Variants in DSCAM observed in about 807,000 individuals in gnomAD.
DSCAM encodes cell adhesion molecule DSCAM.
In DSCAM, 47 loss-of-function variants were observed where a neutral mutation model predicts 217.7. The observed-to-expected ratio is 0.22, with a 90% confidence interval of 0.17 to 0.28. The LOEUF is 0.28. DSCAM is among the 10% of genes least tolerant of loss of function. The pLI is 1.00. For missense variants in DSCAM, 2,080 were observed against 2,618.3 expected (o/e 0.79, Z 4.49); for synonymous variants, 1,056 against 1,015.3 (o/e 1.04, Z -0.76).
chr21:40,629,370 T>C (rs1390295549), intron 3 of DSCAM, among the ~76,000 whole-genome samples: 1 of 152,206 alleles, frequency 6.6e-6, no homozygotes, highest in African/African-American at 2.4e-5. Flanking sequence ...TGTGCAATTG[T>C]GCATTTGTAT....
intron 1 of DSCAM, among the ~76,000 whole-genome samples, chr21:40,736,845 A>G (rs2091068705): frequency 6.6e-6 from 1 of 152,140 alleles, no homozygotes; most frequent in Non-Finnish European, 1.5e-5. Flanking sequence ...TTTTAATTTT[A>G]CTTAAAAACC....
intron 3 of DSCAM, among the ~76,000 whole-genome samples, chr21:40,563,539 TTA>T (rs199709738): frequency 0.45 from 64,494 of 144,246 alleles, 15,354 homozygotes; most frequent in Admixed American, 0.54. Flanking sequence ...TTGTTTATAG[TTA>T]TATGTTTATA....
Position 40,338,270 on chromosome 21 carries a change from G to T in DSCAM, c.1614C>A (p.Tyr538Ter). Residue 538 changes from tyrosine (Y) to a stop codon, truncating the protein, a stop_gained, in exon 8 of 33, where the codon TAC (tyrosine) becomes TAA (stop). Coordinates refer to ENST00000400454, the MANE Select transcript of DSCAM (RefSeq NM_001389.5). LOFTEE classifies it high-confidence loss of function. Reference sequence around the variant, plus strand: ...TGAAAGGAAGCAGGTTAGAGTTCTTGTACCATTTAATGGAGTAATACGGAT... The same window carrying T: ...TGAAAGGAAGCAGGTTAGAGTTCTTTTACCATTTAATGGAGTAATACGGAT... ...IGYPYYSIKW[Y>*]KNSNLLPFNH... is the part of the protein sequence containing the mutation. 6.2e-7 allele frequency: 1 copy of T among 1,614,210 alleles called. No individual in the cohort carries two copies.
chr21:40,565,255 G>C (rs902362467), intron 3 of DSCAM, among the ~76,000 whole-genome samples: 90 of 152,270 alleles, frequency 5.9e-4, no homozygotes, highest in African/African-American at 2.0e-3. Flanking sequence ...CAGCCATTTA[G>C]GGAAATTAGA....
intron 1 of DSCAM, among the ~76,000 whole-genome samples, chr21:40,751,803 T>C (rs1199445256): frequency 6.6e-6 from 1 of 152,060 alleles, no homozygotes; most frequent in Non-Finnish European, 1.5e-5. Context: ...GTAAAAAAAA[T>C]TAAGTTACAT....
At chr21:40,660,827 C>T (rs1054672245) in intron 3 of DSCAM, among the ~76,000 whole-genome samples, 45 of 152,246 alleles carry the variant, frequency 3.0e-4, no homozygotes, top group Middle Eastern at 6.8e-3. Context: ...CAAAATCAAC[C>T]GACAATAACA....
In DSCAM at chr21:40,634,125, T is replaced by C. The variant is rs185814033; in HGVS notation, c.508+58685A>G. 2.0e-5 allele frequency among the ~76,000 whole-genome samples: 3 copies of C among 152,348 alleles called. No homozygotes were observed. In the East Asian group the frequency reaches 5.8e-4, roughly 29 times the overall value. Reference sequence around the variant, plus strand: ...CAAAGACACAACATATAAGTCTCTTTATTGAAAGACGACTTGATGAACGGT... The same window carrying C: ...CAAAGACACAACATATAAGTCTCTTCATTGAAAGACGACTTGATGAACGGT... On this transcript the variant is annotated intron_variant, in intron 3 of 32. Coordinates refer to ENST00000400454, the MANE Select transcript of DSCAM (RefSeq NM_001389.5).
chr21:40,667,610 G>A (rs1334796059), intron 3 of DSCAM, among the ~76,000 whole-genome samples: 1 of 152,150 alleles, frequency 6.6e-6, no homozygotes, highest in Non-Finnish European at 1.5e-5. Context: ...GAGGAGCCAG[G>A]TGGGAGGTAA....
chr21:40,133,566 G>A (rs572447191), intron 19 of DSCAM, among the ~76,000 whole-genome samples: 56 of 151,012 alleles, frequency 3.7e-4, no homozygotes, highest in African/African-American at 1.3e-3. Flanking sequence ...ACAGCTCTAG[G>A]ATAAAATGAG....
At chr21:40,780,447 A>ATATATATATATC (rs1308722522) in intron 1 of DSCAM, among the ~76,000 whole-genome samples, 37 of 141,382 alleles carry the variant, frequency 2.6e-4, no homozygotes, top group Admixed American at 2.2e-3. Flanking sequence ...ATATATATAT[A>ATATATATATATC]TCTCCTGTTA....
chr21:40,235,171 C>T (rs1569014978), intron 11 of DSCAM, among the ~76,000 whole-genome samples: 1 of 152,180 alleles, frequency 6.6e-6, no homozygotes, highest in Non-Finnish European at 1.5e-5. Context: ...GAGTTATCCA[C>T]CTTCAGCCCT....
intron 31 of DSCAM, among the ~76,000 whole-genome samples, 154 bp from the exon 32 acceptor site, chr21:40,042,827 A>C (rs2146478509): frequency 6.6e-6 from 1 of 152,302 alleles, no homozygotes; most frequent in South Asian, 2.1e-4. Flanking sequence ...TGCCTTAGGC[A>C]CTCTGAGGCC....
At chr21:40,846,580 G>A in intron 1 of DSCAM, 39 bp downstream of exon 1, 1 of 841,392 alleles carries the variant, frequency 1.2e-6, no homozygotes, top group East Asian at 5.1e-5. Flanking sequence ...CCCGGTCAAT[G>A]ATAAGGAAAC....
chr21:40,416,130 CCT>C (rs1433915139), intron 3 of DSCAM, among the ~76,000 whole-genome samples: 3 of 152,100 alleles, frequency 2.0e-5, no homozygotes, highest in Non-Finnish European at 4.4e-5. Context: ...GAGGGGATCC[CCT>C]TTTTCTGGAT....
intron 10 of DSCAM, 150 bp downstream of exon 10, chr21:40,295,905 G>C (rs2073948877): frequency 4.3e-6 from 4 of 936,578 alleles, no homozygotes; most frequent in Non-Finnish European, 6.0e-6. Context: ...GGACAACTAG[G>C]AATGTCTATG....
At chr21:40,244,717 C>A (rs540493065) in intron 11 of DSCAM, among the ~76,000 whole-genome samples, 3 of 151,954 alleles carry the variant, frequency 2.0e-5, no homozygotes. Context: ...CAGGTTGGGG[C>A]GGCGAGGGTG....
intron 15 of DSCAM, among the ~76,000 whole-genome samples, chr21:40,174,231 C>A (rs1341750658): frequency 6.6e-6 from 1 of 152,170 alleles, no homozygotes; most frequent in African/African-American, 2.4e-5. Flanking sequence ...GTGGTCTTGG[C>A]TTCATGGCTA....
intron 3 of DSCAM, among the ~76,000 whole-genome samples, chr21:40,451,206 A>G (rs2075716325): frequency 6.6e-6 from 1 of 152,340 alleles, no homozygotes; most frequent in Admixed American, 6.5e-5. Flanking sequence ...CAGACTCCAA[A>G]GGGCCACAAT....
At chr21:40,386,088 G>A (rs2075081900) in intron 3 of DSCAM, among the ~76,000 whole-genome samples, 1 of 152,122 alleles carries the variant, frequency 6.6e-6, no homozygotes, top group Non-Finnish European at 1.5e-5. Context: ...CAATATCATG[G>A]TCCATTAATT....
Sources: gnomAD v4.1 joint callset for allele counts (sites outside exome capture counted in the v4.1 genomes callset) on GRCh38, gnomAD v4.1.1 for gene constraint, MANE v1.5 for transcripts, NCBI Gene and HGNC (gene_info 2026-07-23, HGNC 2026-07-21) for gene names.